The following WDTC1 variants were observed in gnomAD, a reference collection of about 807,000 sequenced individuals.
WDTC1 encodes WD and tetratricopeptide repeats 1, also known as WD and tetratricopeptide repeats protein 1.
WDTC1 carries 12 observed loss-of-function variants against 76.0 expected under a neutral mutation model. The ratio of observed to expected loss-of-function variants is 0.16; its 90% confidence interval spans 0.10 to 0.26. WDTC1 has a LOEUF of 0.26. Among genes scored for constraint, WDTC1 ranks in the 10% least tolerant of loss-of-function variants. The pLI is 1.00. For synonymous variants in WDTC1, 326 were observed against 350.8 expected (o/e 0.93, Z 0.79); for missense variants, 511 against 908.8 (o/e 0.56, Z 5.63).
In WDTC1 at chr1:27,264,348, T is replaced by C. The variant is rs1365088499; in HGVS notation, c.132+1113T>C. Among the ~76,000 whole-genome samples the C allele has an allele frequency of 3.9e-5, 6 of 152,086 alleles. No individual in the cohort carries two copies. In the East Asian group the frequency reaches 1.2e-3, roughly 29 times the overall value. On this transcript the variant is annotated intron_variant, in intron 3 of 15. Transcript: ENST00000319394. Reference sequence around the variant, plus strand: ...GACACATGCCTATAGTCCCAGCTATTTGGGAGGCTGAGACAGGATTGCTTG... The same window carrying C: ...GACACATGCCTATAGTCCCAGCTATCTGGGAGGCTGAGACAGGATTGCTTG...
At chr1:27,266,511 G>A (rs1570955996) in intron 3 of WDTC1, among the ~76,000 whole-genome samples, 1 of 152,148 alleles carries the variant, frequency 6.6e-6, no homozygotes, top group Non-Finnish European at 1.5e-5. Context: ...GTTAATTTAT[G>A]TAAAGGACCT....
chr1:27,301,138 G>A lies in WDTC1; in HGVS notation c.1233-88G>A. The stretch of plus-strand genomic sequence containing the variant: ...TGAGATCTGTCAGTGGTGGGCTGGG[G>A]TGGCCACAGGAAGCAGAGGAGACTG... On this transcript the variant is annotated intron_variant, in intron 12 of 15. Coordinates refer to ENST00000319394, the MANE Select transcript of WDTC1 (RefSeq NM_001276252.2). This position sits in a 1 kb window ranked among gnomAD's most constrained non-coding sequence, Gnocchi z 5.8. 2 of 1,167,362 alleles carry A rather than the reference G, an allele frequency of 1.7e-6. No homozygotes were observed. The highest frequency in any genetic ancestry group is 2.7e-5 in the South Asian group (2 of 75,412). The allele number at this position is 1,167,362 out of a possible 1,614,324, so 72.3% of individuals were successfully genotyped here.
intron 1 of WDTC1, among the ~76,000 whole-genome samples, chr1:27,242,653 G>A (rs1208806067): frequency 6.6e-6 from 1 of 152,032 alleles, no homozygotes; most frequent in Non-Finnish European, 1.5e-5. Context: ...GTATTTAGTA[G>A]AGACAGGGTT....
intron 12 of WDTC1, 152 bp downstream of exon 12, chr1:27,298,263 C>G (rs1334468575): frequency 5.4e-6 from 5 of 928,700 alleles, no homozygotes. Context: ...GGCCTCTCCT[C>G]CCCACCTCCA....
chr1:27,296,179 T>A, intron 9 of WDTC1, 147 bp from the exon 10 acceptor site: 1 of 938,986 alleles, frequency 1.1e-6, no homozygotes, highest in Non-Finnish European at 1.7e-6. Flanking sequence ...TTGCTGGAAG[T>A]ACCTCTTAGG....
At chr1:27,288,395 C>A (rs2147970654) in intron 6 of WDTC1, among the ~76,000 whole-genome samples, 1 of 150,730 alleles carries the variant, frequency 6.6e-6, no homozygotes, top group Non-Finnish European at 1.5e-5. Context: ...GTGTTTCTCG[C>A]AGAGGGGGAT....
intron 1 of WDTC1, among the ~76,000 whole-genome samples, chr1:27,259,857 CAA>C (rs57818136): frequency 2.3e-4 from 21 of 91,582 alleles, no homozygotes; most frequent in Admixed American, 7.1e-4. Context: ...TCCATCTCTA[CAA>C]AAAAAAAAAA....
intron 3 of WDTC1, among the ~76,000 whole-genome samples, chr1:27,267,838 G>A (rs999701304): frequency 6.6e-6 from 1 of 151,818 alleles, no homozygotes; most frequent in African/African-American, 2.4e-5. Flanking sequence ...TGTGTATGTG[G>A]ACCCATAATT....
chr1:27,283,149 A>AG (rs1019663711), intron 4 of WDTC1, among the ~76,000 whole-genome samples, 189 bp from the exon 5 acceptor site: 2 of 152,054 alleles, frequency 1.3e-5, no homozygotes, highest in African/African-American at 4.8e-5. Flanking sequence ...AAAAAAAAAA[A>AG]AAAGAATAAT....
At chr1:27,298,273 A>C (rs1339604243) in intron 12 of WDTC1, among the ~76,000 whole-genome samples, 162 bp downstream of exon 12, 2 of 152,238 alleles carry the variant, frequency 1.3e-5, no homozygotes, top group Non-Finnish European at 2.9e-5. Context: ...CCCCACCTCC[A>C]GGCTAATGGT....
At chr1:27,281,614 G>C (rs1449834611) in intron 3 of WDTC1, among the ~76,000 whole-genome samples, 1 of 151,776 alleles carries the variant, frequency 6.6e-6, no homozygotes. Context: ...TTTGAGACAC[G>C]GTCTGGCTCT....
At chr1:27,263,284 C>T in intron 3 of WDTC1, 49 bp downstream of exon 3, 2 of 1,574,376 alleles carry the variant, frequency 1.3e-6, no homozygotes, top group Non-Finnish European at 1.7e-6. Context: ...GCTGTCCATT[C>T]TCTGCCTGCA....
intron 11 of WDTC1, among the ~76,000 whole-genome samples, chr1:27,297,397 A>G (rs564199368): frequency 6.6e-6 from 1 of 152,338 alleles, no homozygotes; most frequent in East Asian, 1.9e-4. Context: ...AACTGGGGTC[A>G]GGACTCAGGA....
chr1:27,242,511 C>T (rs2011660971), intron 1 of WDTC1, among the ~76,000 whole-genome samples: 1 of 151,740 alleles, frequency 6.6e-6, no homozygotes, highest in Admixed American at 6.6e-5. Flanking sequence ...CTCCTGTCGC[C>T]CAGGCTGGAG....
At chr1:27,275,640 A>T (rs2013002522) in intron 3 of WDTC1, among the ~76,000 whole-genome samples, 1 of 151,966 alleles carries the variant, frequency 6.6e-6, no homozygotes, top group African/African-American at 2.4e-5. Flanking sequence ...AAAATAAAGA[A>T]AAAGATGGAG....
At chr1:27,254,480 T>C (rs1365680303) in intron 1 of WDTC1, among the ~76,000 whole-genome samples, 1 of 151,982 alleles carries the variant, frequency 6.6e-6, no homozygotes, top group African/African-American at 2.4e-5. Flanking sequence ...ACTCCTGTAA[T>C]CTCAGCTACT....
At chr1:27,249,863 T>C (rs931367543) in intron 1 of WDTC1, among the ~76,000 whole-genome samples, 2 of 152,042 alleles carry the variant, frequency 1.3e-5, no homozygotes, top group Non-Finnish European at 2.9e-5. Flanking sequence ...TGTGAGCCAG[T>C]GCACCTGGCC....
intron 1 of WDTC1, among the ~76,000 whole-genome samples, chr1:27,260,392 A>C (rs899464864): frequency 6.6e-6 from 1 of 152,220 alleles, no homozygotes; most frequent in Non-Finnish European, 1.5e-5. Context: ...GGTGTGAGCC[A>C]CCGCGCCCGG....
At position 27,263,155 on chromosome 1, in the gene WDTC1, C is replaced by T. The variant is rs1339374970; in HGVS notation, c.52C>T (p.Arg18Trp). ...CGAATTTGTTTCTGTCCCCTAGGAG[C>T]GGGGTGCCCTGAGCTTTGAGCGGCG... Reference protein sequence around the residue: ...RDLIRRQIKERGALSFERRYH... With the variant: ...RDLIRRQIKEWGALSFERRYH... The change falls in exon 3 of 16, where the codon CGG (arginine) becomes TGG (tryptophan). Residue 18 changes from arginine to tryptophan, a missense_variant. Arg to Trp is a moderately radical substitution (Grantham distance 101, BLOSUM62 -3). Transcript: ENST00000319394. 5.0e-6 allele frequency: 8 copies of T among 1,612,922 alleles called. No individual in the cohort carries two copies. The highest frequency in any genetic ancestry group is 2.7e-5 in the African/African-American group (2 of 74,778).
Sources: allele counts gnomAD v4.1 joint callset (sites outside exome capture counted in the v4.1 genomes callset), GRCh38; gene constraint gnomAD v4.1.1; non-coding constraint Gnocchi (gnomAD v3.1); transcripts MANE v1.5; gene names NCBI Gene and HGNC (gene_info 2026-07-23, HGNC 2026-07-21).